DOCK8: variants seen among roughly 807,000 people sequenced by gnomAD.
DOCK8 encodes the protein dedicator of cytokinesis 8.
In DOCK8, 141 loss-of-function variants were observed where a neutral mutation model predicts 245.6. The observed-to-expected ratio is 0.57, with a 90% CI of 0.50 to 0.66. The LOEUF (loss-of-function observed/expected upper bound fraction) is 0.66. DOCK8 is among the 30% of genes least tolerant of loss of function. The pLI, the probability that DOCK8 is intolerant of heterozygous loss-of-function variation, is 0.00. For missense variants in DOCK8, 2,965 were observed against 2,603.4 expected, an observed-to-expected ratio of 1.14 and a Z score of -3.02; for synonymous variants, 1,168 against 970.2, an observed-to-expected ratio of 1.20 and a Z score of -3.79.
chr9:447,919 A>G (rs2057314920), intron 44 of DOCK8, among the ~76,000 whole-genome samples: 1 of 152,334 alleles, frequency 6.6e-6, no homozygotes, highest in Middle Eastern at 3.4e-3. Context: ...CATCTGCTGT[A>G]CTTCCTATAC....
At chr9:461,109 G>A (rs1006725393) in intron 46 of DOCK8, among the ~76,000 whole-genome samples, 3 of 152,220 alleles carry the variant, frequency 2.0e-5, no homozygotes, top group East Asian at 1.9e-4. Flanking sequence ...GTACCGTACC[G>A]TGCAGGAGAC....
In DOCK8 at chr9:400,623, CCAT is replaced by C. The variant is rs1317244672; in HGVS notation, c.3234+1367_3234+1369del. Among the ~76,000 whole-genome samples the C allele has an allele frequency of 3.4e-4, 20 of 59,394 alleles. 1 individual carries two copies. The highest frequency in any genetic ancestry group is 2.1e-3 in the South Asian group (3 of 1,448). The allele number at this position is 59,394 out of a possible 152,430, so 39.0% of individuals were successfully genotyped here. On this transcript the variant is annotated intron_variant, in intron 26 of 47. Transcript: ENST00000432829. ...ACCATCACCACCACCACCTCCACCA[CCAT>C]CACCACCACCTCCACCATCACCACC...
chr9:410,920 A>G (rs1171463546), intron 28 of DOCK8, among the ~76,000 whole-genome samples: 1 of 152,226 alleles, frequency 6.6e-6, no homozygotes, highest in African/African-American at 2.4e-5. Context: ...ACAGAAATAA[A>G]AAGGATTATA....
intron 4 of DOCK8, among the ~76,000 whole-genome samples, chr9:294,140 A>G (rs1036441243): frequency 3.9e-5 from 6 of 152,248 alleles, no homozygotes; most frequent in Admixed American, 1.3e-4. Flanking sequence ...ATCCCATTCT[A>G]CTGAAATGCT....
Position 382,502 on chromosome 9 carries a change from G to C in DOCK8, c.2606-11G>C, listed in dbSNP as rs773637315. 2 of 1,613,334 alleles carry C rather than the reference G, an allele frequency of 1.2e-6. No homozygotes were observed. The highest frequency in any genetic ancestry group is 1.7e-6 in the Non-Finnish European group (2 of 1,179,852). Reference sequence around the variant, plus strand: ...CTGTCTGTTGACATGTCTCTGCCTGGTGGGGTGCAGGCGCTCCCACTGCCC... The same window carrying C: ...CTGTCTGTTGACATGTCTCTGCCTGCTGGGGTGCAGGCGCTCCCACTGCCC... On this transcript the variant is annotated splice_polypyrimidine_tract_variant and intron_variant, in intron 21 of 47. Transcript: ENST00000432829.
At chr9:308,535 T>C (rs944198656) in intron 5 of DOCK8, among the ~76,000 whole-genome samples, 3 of 152,238 alleles carry the variant, frequency 2.0e-5, no homozygotes, top group Non-Finnish European at 2.9e-5. Flanking sequence ...TAAACAAGTA[T>C]ATGATAAGAT....
chr9:460,030 C>T (rs2057755872), intron 46 of DOCK8: 1 of 152,170 alleles, frequency 6.6e-6, no homozygotes, highest in South Asian at 2.1e-4. Context: ...TTCTTGTGGC[C>T]ATTTTCAGAA....
upstream of DOCK8, chr9:213,139 G>C (rs903289751): frequency 1.3e-5 from 2 of 152,100 alleles, no homozygotes; most frequent in Non-Finnish European, 2.9e-5. Flanking sequence ...TTTTCTTTGG[G>C]TTTGTTTTCG....
rs558909758 is a variant in DOCK8 at position 257,622 on chromosome 9, C to G, written c.54-14005C>G. ...GCACCCTCAGCCTTCCAGGTTCAAG[C>G]GATTCTCCTGCCTCAGCCTCCTGAG... On this transcript the variant is annotated intron_variant, in intron 1 of 47. Coordinates refer to ENST00000432829, the MANE Select transcript of DOCK8 (RefSeq NM_203447.4). Among the ~76,000 whole-genome samples the G allele has an allele frequency of 3.9e-5, 6 of 152,302 alleles. No homozygotes were observed. In the South Asian group the frequency reaches 1.2e-3, roughly 32 times the overall value.
At chr9:428,850 C>T (rs1477208680) in intron 35 of DOCK8, among the ~76,000 whole-genome samples, 1 of 152,196 alleles carries the variant, frequency 6.6e-6, no homozygotes, top group South Asian at 2.1e-4. Flanking sequence ...ATGTGACGCC[C>T]ATTAGTCTTA....
chr9:298,749 A>C (rs2049388717), intron 4 of DOCK8, among the ~76,000 whole-genome samples: 1 of 152,118 alleles, frequency 6.6e-6, no homozygotes, highest in African/African-American at 2.4e-5. Context: ...AAGCTGATAT[A>C]GTTCTGGTTG....
rs1563974756 is a variant in DOCK8 at position 370,218 on chromosome 9, A to C, written c.1798-12A>C. On this transcript the variant is annotated splice_polypyrimidine_tract_variant and intron_variant, in intron 15 of 47. Coordinates refer to ENST00000432829, the MANE Select transcript of DOCK8 (RefSeq NM_203447.4). ...TTACTGATAATTTGATCCTTTCTCT[A>C]CTGGTGAACAGGTCATCTTTGGAAA... 1.9e-6 allele frequency: 3 copies of C among 1,610,982 alleles called. No individual in the cohort carries two copies. Among genetic ancestry groups the C allele is most frequent in the Admixed American group, 1.7e-5 (1 of 60,008 alleles).
intron 9 of DOCK8, among the ~76,000 whole-genome samples, chr9:329,019 G>A (rs376274429): frequency 4.4e-5 from 6 of 136,260 alleles, no homozygotes; most frequent in East Asian, 2.1e-4. Context: ...TCACCATGTC[G>A]GCTCACTGCA....
At chr9:355,140 A>C (rs78072301) in intron 14 of DOCK8, among the ~76,000 whole-genome samples, 1,848 of 151,164 alleles carry the variant, frequency 0.012, 47 homozygotes, top group African/African-American at 0.043. Flanking sequence ...GCTGAGGACA[A>C]CGTGCCTCAT....
intron 1 of DOCK8, among the ~76,000 whole-genome samples, chr9:267,165 C>A (rs543343259): frequency 6.6e-6 from 1 of 152,176 alleles, no homozygotes; most frequent in Non-Finnish European, 1.5e-5. Flanking sequence ...CCAAGTAGTA[C>A]GCTCTGTCTG....
At chr9:396,545 A>C (rs1257599841) in intron 24 of DOCK8, among the ~76,000 whole-genome samples, 1 of 152,216 alleles carries the variant, frequency 6.6e-6, no homozygotes, top group East Asian at 1.9e-4. Flanking sequence ...GTCAGCAGCA[A>C]GAAGGGAGCC....
chr9:323,311 C>T (rs1466853948), intron 7 of DOCK8, among the ~76,000 whole-genome samples: 2 of 147,198 alleles, frequency 1.4e-5, no homozygotes, highest in Non-Finnish European at 1.5e-5. Context: ...GCAACTTCTG[C>T]CTCCCAGGTT....
chr9:342,136 TC>T (rs1486027713), intron 14 of DOCK8, among the ~76,000 whole-genome samples: 2 of 152,042 alleles, frequency 1.3e-5, no homozygotes, highest in Non-Finnish European at 2.9e-5. Context: ...GCTTGAGTCA[TC>T]CCAAAACCAT....
At chr9:437,352 C>G (rs185631060) in intron 39 of DOCK8, among the ~76,000 whole-genome samples, 1 of 152,304 alleles carries the variant, frequency 6.6e-6, no homozygotes, top group Admixed American at 6.5e-5. Context: ...AGGTTCAAGT[C>G]TAGGAGAGAA....
Sources: allele counts gnomAD v4.1 joint callset (sites outside exome capture counted in the v4.1 genomes callset), GRCh38; gene constraint gnomAD v4.1.1; transcripts MANE v1.5; gene names NCBI Gene and HGNC (gene_info 2026-07-23, HGNC 2026-07-21).